The following PLCH1 variants were observed in gnomAD, a reference collection of about 807,000 sequenced individuals.
PLCH1 encodes 1-phosphatidylinositol 4,5-bisphosphate phosphodiesterase eta-1.
PLCH1 carries 60 observed loss-of-function variants against 126.7 expected under a neutral mutation model. The observed-to-expected ratio is 0.47, with a 90% confidence interval of 0.38 to 0.59. The LOEUF is 0.59. Among genes scored for constraint, PLCH1 ranks in the 20% least tolerant of loss-of-function variants. The pLI is 0.00. For synonymous variants in PLCH1, 719 were observed against 734.9 expected (o/e 0.98, Z 0.35); for missense variants, 1,723 against 2,040.0 (o/e 0.84, Z 2.99).
chr3:155,506,812 T>C (rs1482743980), intron 12 of PLCH1, among the ~76,000 whole-genome samples: 1 of 112,640 alleles, frequency 8.9e-6, no homozygotes, highest in African/African-American at 3.6e-5. Flanking sequence ...GCAATAAACA[T>C]ACGTGTGCAT....
chr3:155,505,121 T>C (rs1240847408), intron 12 of PLCH1, among the ~76,000 whole-genome samples: 1 of 152,220 alleles, frequency 6.6e-6, no homozygotes, highest in African/African-American at 2.4e-5. Flanking sequence ...TAAAACATTA[T>C]AAATAAATAA....
At chr3:155,627,964 G>A (rs889393360) in intron 2 of PLCH1, among the ~76,000 whole-genome samples, 8 of 151,578 alleles carry the variant, frequency 5.3e-5, no homozygotes, top group East Asian at 2.0e-4. Flanking sequence ...GCAGGGTTTC[G>A]CCATGTTGGC....
intron 21 of PLCH1, among the ~76,000 whole-genome samples, chr3:155,454,296 G>C (rs1404273493): frequency 6.6e-6 from 1 of 151,968 alleles, no homozygotes. Context: ...TCTAATGAAA[G>C]TTTTTCAGCC....
chr3:155,477,298 A>G (rs1713584844), downstream of PLCH1, among the ~76,000 whole-genome samples: 1 of 152,174 alleles, frequency 6.6e-6, no homozygotes, highest in African/African-American at 2.4e-5. Context: ...TAAAATGACT[A>G]CAAGAAAATA....
intron 2 of PLCH1, among the ~76,000 whole-genome samples, chr3:155,677,385 T>A (rs766800576): frequency 1.3e-5 from 2 of 152,210 alleles, no homozygotes; most frequent in Non-Finnish European, 2.9e-5. Flanking sequence ...TACTTTCAAA[T>A]ACTCTAGGGA....
intron 2 of PLCH1, among the ~76,000 whole-genome samples, chr3:155,615,842 C>A (rs910191191): frequency 1.3e-5 from 2 of 152,072 alleles, no homozygotes; most frequent in African/African-American, 4.8e-5. Context: ...ACAGATGCAC[C>A]AAAATCTCAG....
chr3:155,709,051 T>C (rs1490700954), intron 1 of PLCH1, among the ~76,000 whole-genome samples: 1 of 152,200 alleles, frequency 6.6e-6, no homozygotes, highest in Non-Finnish European at 1.5e-5. Context: ...CCTTTTCCAA[T>C]TGGCTTCTCT....
At chr3:155,483,442 T>C in intron 22 of PLCH1, 1 of 1,100,174 alleles carries the variant, frequency 9.1e-7, no homozygotes, top group Non-Finnish European at 1.3e-6. Flanking sequence ...TTGTGGTACC[T>C]GTAAGCAAGA....
At chr3:155,530,403 G>A (rs1052722402) in intron 10 of PLCH1, among the ~76,000 whole-genome samples, 3 of 149,690 alleles carry the variant, frequency 2.0e-5, no homozygotes, top group East Asian at 2.0e-4. Flanking sequence ...TGCAAGCTCC[G>A]CCTCCCGGGT....
chr3:155,713,749 C>T (rs936400996), intron 1 of PLCH1, among the ~76,000 whole-genome samples: 3 of 152,198 alleles, frequency 2.0e-5, no homozygotes, highest in African/African-American at 4.8e-5. Context: ...CTCTTCACAA[C>T]CCTGTGCTTC....
intron 9 of PLCH1, among the ~76,000 whole-genome samples, chr3:155,550,248 TA>T (rs1725928499): frequency 6.6e-6 from 1 of 152,228 alleles, no homozygotes; most frequent in Non-Finnish European, 1.5e-5. Context: ...ATGTTTCTTT[TA>T]AAAGAAGAGA....
intron 2 of PLCH1, among the ~76,000 whole-genome samples, chr3:155,609,751 C>G (rs1326574320): frequency 6.6e-6 from 1 of 151,716 alleles, no homozygotes; most frequent in Non-Finnish European, 1.5e-5. Context: ...ACAAAATACA[C>G]CAGAAAGTTT....
intron 9 of PLCH1, among the ~76,000 whole-genome samples, chr3:155,552,260 C>A (rs955293180): frequency 3.9e-5 from 6 of 152,088 alleles, no homozygotes; most frequent in Non-Finnish European, 8.8e-5. Context: ...ACTGAAGGTA[C>A]CTGCTAGGCA....
intron 2 of PLCH1, among the ~76,000 whole-genome samples, chr3:155,622,413 A>G (rs13085349): frequency 0.49 from 73,849 of 152,028 alleles, 20,326 homozygotes; most frequent in African/African-American, 0.74. Context: ...ACATAACAAT[A>G]TTAACCTTAA....
intron 13 of PLCH1, among the ~76,000 whole-genome samples, chr3:155,502,440 GT>G (rs1718043138): frequency 6.6e-6 from 1 of 152,066 alleles, no homozygotes; most frequent in Admixed American, 6.6e-5. Flanking sequence ...TTTTAGTTAG[GT>G]GAAGTACTCC....
chr3:155,500,102 T>C (rs1046296547), intron 14 of PLCH1, among the ~76,000 whole-genome samples: 2 of 152,334 alleles, frequency 1.3e-5, no homozygotes, highest in Admixed American at 6.5e-5. Flanking sequence ...ACTCCTGTAA[T>C]GAATCATGTG....
intron 2 of PLCH1, among the ~76,000 whole-genome samples, chr3:155,677,104 C>T (rs570461227): frequency 5.9e-5 from 9 of 152,338 alleles, no homozygotes; most frequent in Non-Finnish European, 8.8e-5. Flanking sequence ...TTAACTCTCT[C>T]ATTCCAGCAT....
At chr3:155,633,877 G>C (rs946334563) in intron 2 of PLCH1, among the ~76,000 whole-genome samples, 2 of 152,146 alleles carry the variant, frequency 1.3e-5, no homozygotes, top group Non-Finnish European at 2.9e-5. Context: ...CCGCACCACT[G>C]CACTCCTCCC....
intron 2 of PLCH1, among the ~76,000 whole-genome samples, chr3:155,650,716 A>G (rs1210438882): frequency 6.6e-6 from 1 of 152,244 alleles, no homozygotes; most frequent in Non-Finnish European, 1.5e-5. Context: ...CAGGATATAG[A>G]CTATGTGTAG....
Sources: allele counts gnomAD v4.1 joint callset (sites outside exome capture counted in the v4.1 genomes callset), GRCh38; gene constraint gnomAD v4.1.1; transcripts MANE v1.5; gene names NCBI Gene and HGNC (gene_info 2026-07-23, HGNC 2026-07-21).